The following ERAP2 variants were observed in gnomAD, a reference collection of about 807,000 sequenced individuals.
ERAP2 encodes endoplasmic reticulum aminopeptidase 2.
In ERAP2, 118 loss-of-function variants were observed where a neutral mutation model predicts 111.1. That is an observed-to-expected ratio of 1.06 (90% CI 0.92 to 1.24). The LOEUF is 1.24. ERAP2 is among the 50% of genes most tolerant of loss of function. ERAP2 has a pLI of 0.00. For synonymous variants in ERAP2, 410 were observed against 401.2 expected, an observed-to-expected ratio of 1.02 and a Z score of -0.26; for missense variants, 1,131 against 1,125.8, an observed-to-expected ratio of 1.00 and a Z score of -0.07.
rs1581896365 is a variant in ERAP2 at position 96,909,266 on chromosome 5, G to T, written c.2169+149G>T. 4.0e-5 allele frequency: 29 copies of T among 731,984 alleles called. No individual in the cohort carries two copies. The East Asian group carries it at 7.8e-4, about 20-fold the overall frequency. 45.3% of individuals were successfully genotyped at this position (731,984 alleles called of 1,614,324 possible). On this transcript the variant is annotated intron_variant, in intron 14 of 18. Transcript: ENST00000437043. ...TAGCATGTAATGGTCAATGACCCTT[G>T]TTCTTTACCATTGCCAATCCTAAGA...
Position 96,909,132 on chromosome 5 carries a change from T to C in ERAP2, c.2169+15T>C, listed in dbSNP as rs547574410. 1.7e-4 allele frequency: 278 copies of C among 1,612,092 alleles called. No homozygotes were observed. In the South Asian group the frequency reaches 2.8e-3, roughly 16 times the overall value. On this transcript the variant is annotated intron_variant, in intron 14 of 18. Transcript: ENST00000437043. Reference sequence around the variant, plus strand: ...AAAACCTCAAGGTTTGTGTTGCTTTTAGAAAATGTATTAAGTAAATACACA... The same window carrying C: ...AAAACCTCAAGGTTTGTGTTGCTTTCAGAAAATGTATTAAGTAAATACACA...
chr5:96,903,322 T>C (rs1263292619), intron 12 of ERAP2, 55 bp from the exon 13 acceptor site: 1 of 1,333,136 alleles, frequency 7.5e-7, no homozygotes, highest in African/African-American at 1.5e-5. Context: ...GTTCTGGAGA[T>C]GTTCTGAATA....
At chr5:96,892,038 C>A (rs146780401) in intron 5 of ERAP2, among the ~76,000 whole-genome samples, 1 of 152,226 alleles carries the variant, frequency 6.6e-6, no homozygotes, top group East Asian at 1.9e-4. Context: ...CAGAGTTCAG[C>A]ACTTTCAGGA....
chr5:96,906,185 CT>C (rs66812109), intron 13 of ERAP2, among the ~76,000 whole-genome samples: 46 of 150,746 alleles, frequency 3.1e-4, no homozygotes, highest in African/African-American at 8.0e-4. Context: ...GACACTGTCT[CT>C]TTTTTTTTTC....
At chr5:96,886,027 C>G (rs1202352923) in intron 3 of ERAP2, among the ~76,000 whole-genome samples, 3 of 152,208 alleles carry the variant, frequency 2.0e-5, no homozygotes, top group African/African-American at 4.8e-5. Flanking sequence ...CAAGCTGTCA[C>G]GCAGCAAGTG....
chr5:96,914,129 G>GTCTC (rs35052241), intron 17 of ERAP2, among the ~76,000 whole-genome samples: 4,070 of 146,922 alleles, frequency 0.028, 165 homozygotes, highest in African/African-American at 0.093. Flanking sequence ...ATTGCTTTCT[G>GTCTC]TCTCTCTCTC....
At chr5:96,916,226 A>G (rs896820707) in intron 18 of ERAP2, among the ~76,000 whole-genome samples, 4 of 120,854 alleles carry the variant, frequency 3.3e-5, no homozygotes, top group African/African-American at 1.2e-4. Context: ...ATCTCAAAAA[A>G]ACAAAAAACA....
chr5:96,902,419 A>G lies in ERAP2; in HGVS notation c.1828+66A>G. On this transcript the variant is annotated intron_variant, in intron 12 of 18. Coordinates refer to ENST00000437043, the MANE Select transcript of ERAP2 (RefSeq NM_022350.5). ...ATTAAACATGTGTTGAGCTATTTGAAGGAACGATACAATAAGTAAATCTAA... is the reference window on the plus strand; with the variant it reads ...ATTAAACATGTGTTGAGCTATTTGAGGGAACGATACAATAAGTAAATCTAA... The G allele has an allele frequency of 3.1e-6, 3 of 975,620 alleles. No individual in the cohort carries two copies. The South Asian group carries it at 4.1e-5, about 13-fold the overall frequency. The allele number at this position is 975,620 out of a possible 1,614,324, so 60.4% of individuals were successfully genotyped here.
At chr5:96,895,105 T>C (rs929261179) in intron 6 of ERAP2, 141 bp from the exon 7 acceptor site, 23 of 562,366 alleles carry the variant, frequency 4.1e-5, no homozygotes, top group Non-Finnish European at 7.1e-5. Flanking sequence ...TAGAAGAAAA[T>C]TGTACAGAGA....
chr5:96,903,749 T>G (rs1422083590), intron 13 of ERAP2, among the ~76,000 whole-genome samples, 189 bp downstream of exon 13: 1 of 152,216 alleles, frequency 6.6e-6, no homozygotes, highest in Non-Finnish European at 1.5e-5. Context: ...TTTATAATTG[T>G]AATCCAATAT....
rs1209870434 is a variant in ERAP2 at position 96,896,750 on chromosome 5, A to C, written c.1390A>C (p.Met464Leu). The change falls in exon 9 of 19, where the codon ATG (methionine) becomes CTG (leucine). Residue 464 changes from methionine to leucine, a missense_variant. Physicochemically the swap from Met to Leu is conservative, Grantham distance 15. Transcript: ENST00000437043. The part of the protein sequence containing the change: ...SYNKGACILN[M>L]LKDFLGEEKF... ...TTTAAAGGGAGCTTGTATTTTGAAT[A>C]TGCTCAAGGATTTTCTGGGTGAGGA... 1 of 1,575,122 alleles carries C rather than the reference A, an allele frequency of 6.3e-7. No individual in the cohort carries two copies. The highest frequency in any genetic ancestry group is 2.1e-5 in the Admixed American group (1 of 48,608).
intron 5 of ERAP2, among the ~76,000 whole-genome samples, chr5:96,892,097 T>C (rs182881296): frequency 6.6e-6 from 1 of 152,344 alleles, no homozygotes; most frequent in African/African-American, 2.4e-5. Context: ...AAACTCTTTG[T>C]ACAACTTATT....
chr5:96,882,845 T>C (rs1783293570), intron 2 of ERAP2, among the ~76,000 whole-genome samples: 1 of 152,164 alleles, frequency 6.6e-6, no homozygotes, highest in Non-Finnish European at 1.5e-5. Flanking sequence ...ACAGCTTCTC[T>C]TTTTTCCCTC....
chr5:96,897,914 T>C (rs1373855510), intron 9 of ERAP2, among the ~76,000 whole-genome samples: 1 of 152,194 alleles, frequency 6.6e-6, no homozygotes. Flanking sequence ...GACACTTTCA[T>C]GGCCGGGTAC....
chr5:96,895,244 AGT>A lies in ERAP2; in HGVS notation c.1126_1127del (p.Trp376ValfsTer12). 6.3e-7 allele frequency: 1 copy of A among 1,584,386 alleles called. No homozygotes were observed. The highest frequency in any genetic ancestry group is 1.1e-5 in the South Asian group (1 of 88,426). ...TAATAATATTGAGTTTTTACCTCCT[AGT>A]GGTTTGGCAACCTGGTCACAATGGA... On this transcript the variant is annotated splice_acceptor_variant and coding_sequence_variant, in exon 7 of 19. Coordinates refer to ENST00000437043, the MANE Select transcript of ERAP2 (RefSeq NM_022350.5). LOFTEE classifies it high-confidence loss of function.
intron 18 of ERAP2, 114 bp downstream of exon 18, chr5:96,915,883 G>C (rs1787323380): frequency 1.1e-6 from 1 of 903,184 alleles, no homozygotes; most frequent in African/African-American, 1.7e-5. Context: ...TAAAAAAGTT[G>C]TTTGTCCAAT....
chr5:96,915,633 T>C, intron 17 of ERAP2, 55 bp from the exon 18 acceptor site: 2 of 1,045,820 alleles, frequency 1.9e-6, no homozygotes, highest in Non-Finnish European at 2.7e-6. Context: ...CATGATATAA[T>C]AAACATAAGG....
At position 96,912,629 on chromosome 5, in the gene ERAP2, T is replaced by G. The variant is rs1344440206; in HGVS notation, c.2355-8T>G. On this transcript the variant is annotated splice_polypyrimidine_tract_variant and splice_region_variant and intron_variant, in intron 15 of 18. Coordinates refer to ENST00000437043, the MANE Select transcript of ERAP2 (RefSeq NM_022350.5). The stretch of plus-strand genomic sequence containing the variant: ...ACTTTTTCTTCATTTTTATGCTTGA[T>G]ATTACAGTATACCAACAGATGTTTT... 1 of 1,591,926 alleles carries G rather than the reference T, an allele frequency of 6.3e-7. No homozygotes were observed. The highest frequency in any genetic ancestry group is 1.9e-5 in the Admixed American group (1 of 53,074).
chr5:96,880,345 G>A, intron 2 of ERAP2, 85 bp downstream of exon 2: 1 of 1,234,826 alleles, frequency 8.1e-7, no homozygotes, highest in Admixed American at 2.7e-5. Context: ...GACTTCAGCA[G>A]CCATTTATGA....
Sources: gnomAD v4.1 joint callset for allele counts (sites outside exome capture counted in the v4.1 genomes callset) on GRCh38, gnomAD v4.1.1 for gene constraint, MANE v1.5 for transcripts, NCBI Gene and HGNC (gene_info 2026-07-23, HGNC 2026-07-21) for gene names.